WDR7: variants seen among roughly 807,000 people sequenced by gnomAD.
WDR7 encodes WD repeat domain 7.
WDR7 carries 46 observed loss-of-function variants against 169.4 expected under a neutral mutation model. The ratio of observed to expected loss-of-function variants is 0.27; its 90% CI spans 0.21 to 0.35. The LOEUF is 0.35. Among genes scored for constraint, WDR7 ranks in the 10% least tolerant of loss-of-function variants. WDR7 has a pLI of 1.00. For missense variants in WDR7, 1,534 were observed against 1,859.3 expected, an observed-to-expected ratio of 0.83 and a Z score of 3.22; for synonymous variants, 612 against 666.8, an observed-to-expected ratio of 0.92 and a Z score of 1.27.
At chr18:56,904,448 T>A (rs2046449379) in intron 21 of WDR7, among the ~76,000 whole-genome samples, 2 of 152,318 alleles carry the variant, frequency 1.3e-5, no homozygotes, top group South Asian at 4.1e-4. Flanking sequence ...GTTCTGCATT[T>A]AAGCTTAATT....
chr18:56,793,472 G>T (rs1382388802), intron 19 of WDR7, among the ~76,000 whole-genome samples: 1 of 152,198 alleles, frequency 6.6e-6, no homozygotes, highest in Non-Finnish European at 1.5e-5. Flanking sequence ...TAAAGCTTCT[G>T]TGACATGTTC....
intron 27 of WDR7, among the ~76,000 whole-genome samples, chr18:57,024,672 GACA>G (rs1240231814): frequency 7.1e-6 from 1 of 141,428 alleles, no homozygotes; most frequent in Non-Finnish European, 1.5e-5. Context: ...CCTATTCTCA[GACA>G]GGAATAGGGA....
At chr18:56,741,546 G>A (rs760249406) in intron 14 of WDR7, among the ~76,000 whole-genome samples, 46 of 152,200 alleles carry the variant, frequency 3.0e-4, no homozygotes, top group Admixed American at 1.6e-3. Flanking sequence ...ACTCACACAC[G>A]TAGAAAATTA....
intron 16 of WDR7, among the ~76,000 whole-genome samples, chr18:56,775,060 C>T (rs569603705): frequency 6.6e-6 from 1 of 152,100 alleles, no homozygotes; most frequent in African/African-American, 2.4e-5. Context: ...TCCTTTTACA[C>T]TTGTTCCTTA....
At chr18:56,969,827 G>A (rs1180217251) in intron 26 of WDR7, among the ~76,000 whole-genome samples, 2 of 152,056 alleles carry the variant, frequency 1.3e-5, no homozygotes, top group African/African-American at 4.8e-5. Flanking sequence ...TTTATAATAT[G>A]CCATATTTAA....
intron 27 of WDR7, among the ~76,000 whole-genome samples, chr18:57,021,568 GA>G (rs1277104749): frequency 9.2e-5 from 14 of 152,186 alleles, no homozygotes; most frequent in Admixed American, 3.9e-4. Context: ...AGCAGTTCAT[GA>G]GAATGCCTAT....
intron 9 of WDR7, among the ~76,000 whole-genome samples, chr18:56,693,655 T>C (rs143120473): frequency 2.7e-5 from 4 of 145,746 alleles, no homozygotes; most frequent in Non-Finnish European, 6.0e-5. Flanking sequence ...CACTGCAACC[T>C]TTGCTTCCTG....
chr18:56,717,830 A>T, intron 12 of WDR7, 134 bp from the exon 13 acceptor site: 1 of 724,854 alleles, frequency 1.4e-6, no homozygotes, highest in South Asian at 2.9e-5. Flanking sequence ...CATACTTTTC[A>T]ACATGACCTA....
At chr18:56,938,396 AAAC>A in intron 23 of WDR7, 134 bp from the exon 24 acceptor site, 1 of 1,126,832 alleles carries the variant, frequency 8.9e-7, no homozygotes, top group South Asian at 1.7e-5. Flanking sequence ...TTGTTTTTGT[AAAC>A]AAAAGTATTT....
At chr18:56,692,865 A>C (rs765665263) in intron 9 of WDR7, among the ~76,000 whole-genome samples, 5 of 152,128 alleles carry the variant, frequency 3.3e-5, no homozygotes, top group Admixed American at 6.5e-5. Context: ...TTATCAATTA[A>C]AAATTTTAGT....
intron 20 of WDR7, among the ~76,000 whole-genome samples, chr18:56,818,042 C>A (rs1451706650): frequency 6.6e-6 from 1 of 152,158 alleles, no homozygotes; most frequent in East Asian, 1.9e-4. Context: ...TGCACCTGGC[C>A]TATTTGCAGA....
intron 13 of WDR7, among the ~76,000 whole-genome samples, chr18:56,725,166 C>T (rs2026416535): frequency 6.6e-6 from 1 of 150,660 alleles, no homozygotes; most frequent in African/African-American, 2.5e-5. Context: ...TGGGTATATA[C>T]CCAGTAATGG....
At chr18:56,740,170 G>A (rs541336134) in intron 14 of WDR7, among the ~76,000 whole-genome samples, 7 of 151,880 alleles carry the variant, frequency 4.6e-5, no homozygotes, top group African/African-American at 1.7e-4. Flanking sequence ...GTTTTCTGCT[G>A]TTTTTCCACA....
chr18:56,773,671 A>G (rs1486073365), intron 16 of WDR7, among the ~76,000 whole-genome samples: 1 of 152,158 alleles, frequency 6.6e-6, no homozygotes, highest in African/African-American at 2.4e-5. Flanking sequence ...ACCTGAACTA[A>G]TGATTTATCC....
chr18:56,696,568 ATAAT>A (rs2025708954), intron 12 of WDR7, 106 bp downstream of exon 12: 3 of 992,222 alleles, frequency 3.0e-6, no homozygotes, highest in Non-Finnish European at 4.4e-6. Context: ...GTGTGACAAG[ATAAT>A]TAAGAAAACC....
chr18:56,871,088 C>T (rs1031276782), intron 20 of WDR7, among the ~76,000 whole-genome samples: 9 of 152,034 alleles, frequency 5.9e-5, no homozygotes, highest in African/African-American at 2.2e-4. Context: ...TCTTTTGCAG[C>T]TTTATTGACT....
chr18:56,754,251 G>GTC (rs958284982), intron 14 of WDR7, among the ~76,000 whole-genome samples: 14 of 26,574 alleles, frequency 5.3e-4, no homozygotes, highest in African/African-American at 1.4e-3. Flanking sequence ...TGTGCTTTGT[G>GTC]TGTGTGTGTG....
intron 20 of WDR7, among the ~76,000 whole-genome samples, chr18:56,865,977 C>A (rs1055520433): frequency 1.3e-5 from 2 of 151,986 alleles, no homozygotes; most frequent in Non-Finnish European, 2.9e-5. Context: ...ACATTTAAAA[C>A]TATACAAGAT....
At chr18:56,984,932 C>T (rs913125007) in intron 26 of WDR7, among the ~76,000 whole-genome samples, 3 of 152,014 alleles carry the variant, frequency 2.0e-5, no homozygotes, top group Non-Finnish European at 2.9e-5. Flanking sequence ...GAGAGAACCT[C>T]GGGCCTTGTT....
Sources: allele counts gnomAD v4.1 joint callset (sites outside exome capture counted in the v4.1 genomes callset), GRCh38; gene constraint gnomAD v4.1.1; transcripts MANE v1.5; gene names NCBI Gene and HGNC (gene_info 2026-07-23, HGNC 2026-07-21).